Variants in SYT1 observed in about 807,000 individuals in gnomAD.
SYT1 encodes the protein synaptotagmin 1, also known as synaptotagmin-1.
Under a neutral mutation model 44.8 loss-of-function variants are expected in SYT1, and 8 were observed. That is an observed-to-expected ratio of 0.18 (90% confidence interval 0.10 to 0.32). SYT1 has a LOEUF of 0.32. SYT1 is among the 10% of genes least tolerant of loss of function. The pLI, the probability that SYT1 is intolerant of heterozygous loss-of-function variation, is 1.00. For missense variants in SYT1, 286 were observed against 509.3 expected (o/e 0.56, Z 4.22); for synonymous variants, 154 against 188.8 (o/e 0.82, Z 1.51).
intron 3 of SYT1, among the ~76,000 whole-genome samples, chr12:79,179,394 A>ATATAGATATATCTATATC (rs1872292790): frequency 1.6e-4 from 2 of 12,230 alleles, no homozygotes; most frequent in African/African-American, 2.9e-3. Context: ...ATCGATATAG[A>ATATAGATATATCTATATC]TATCCATATA....
chr12:78,963,049 C>T (rs1822908466), intron 1 of SYT1, among the ~76,000 whole-genome samples: 1 of 152,026 alleles, frequency 6.6e-6, no homozygotes, highest in South Asian at 2.1e-4. Flanking sequence ...TAAATTAGAA[C>T]CATGAAGTAT....
At chr12:79,084,783 A>G (rs537244841) in intron 3 of SYT1, among the ~76,000 whole-genome samples, 135 of 152,256 alleles carry the variant, frequency 8.9e-4, no homozygotes, top group African/African-American at 3.2e-3. Context: ...TTATGATTTA[A>G]TTTTTTTGAT....
At chr12:79,127,925 CATAG>C (rs1437990367) in intron 3 of SYT1, among the ~76,000 whole-genome samples, 6 of 151,952 alleles carry the variant, frequency 3.9e-5, no homozygotes, top group African/African-American at 1.2e-4. Flanking sequence ...TAAAAAAGAT[CATAG>C]ATAGATAGAT....
chr12:79,145,821 G>A (rs1457403705), intron 3 of SYT1, among the ~76,000 whole-genome samples: 2 of 151,170 alleles, frequency 1.3e-5, no homozygotes, highest in Non-Finnish European at 3.0e-5. Flanking sequence ...GCAGTGGCGG[G>A]ATCTCGGCTC....
intron 2 of SYT1, among the ~76,000 whole-genome samples, chr12:78,983,477 A>G (rs1869417761): frequency 6.6e-6 from 1 of 152,094 alleles, no homozygotes; most frequent in Non-Finnish European, 1.5e-5. Context: ...ATCATAAACT[A>G]TCTGTCAAGA....
intron 8 of SYT1, among the ~76,000 whole-genome samples, chr12:79,340,535 T>G (rs963404910): frequency 6.6e-6 from 1 of 151,624 alleles, no homozygotes; most frequent in Non-Finnish European, 1.5e-5. Flanking sequence ...CTGAGACTGC[T>G]GAAGTTGCTT....
chr12:78,968,369 A>G (rs533049240), intron 1 of SYT1, among the ~76,000 whole-genome samples: 29 of 151,930 alleles, frequency 1.9e-4, no homozygotes, highest in Non-Finnish European at 3.7e-4. Context: ...AGATTCATAC[A>G]CCCCTCTAGC....
intron 3 of SYT1, among the ~76,000 whole-genome samples, chr12:79,067,592 CT>C (rs1321399911): frequency 1.3e-5 from 2 of 152,040 alleles, no homozygotes; most frequent in African/African-American, 4.8e-5. Context: ...TTTACATTAA[CT>C]TTGAAACAAG....
intron 9 of SYT1, among the ~76,000 whole-genome samples, chr12:79,378,032 G>C (rs1426332734): frequency 1.3e-5 from 2 of 152,178 alleles, no homozygotes; most frequent in Non-Finnish European, 2.9e-5. Context: ...GTGTTAGCTA[G>C]AGTGTGTTTC....
intron 9 of SYT1, among the ~76,000 whole-genome samples, chr12:79,411,632 T>A (rs61927380): frequency 6.6e-6 from 1 of 152,040 alleles, no homozygotes; most frequent in Non-Finnish European, 1.5e-5. Context: ...AACATAAATA[T>A]ATGTGTTTAC....
rs947483950 is a variant in SYT1, at chr12:78,962,600, G to T, written c.-216-15199G>T. Among the ~76,000 whole-genome samples, 6 of 152,002 alleles carry T rather than the reference G, an allele frequency of 3.9e-5. No homozygotes were observed. The South Asian group carries it at 1.2e-3, about 32-fold the overall frequency. The stretch of plus-strand genomic sequence containing the variant: ...CTTGTGTGGTGGGGGAGAGAGAGAG[G>T]TTGGCCTGTGTGTATTCTCATTCGT... On this transcript the variant is annotated intron_variant, in intron 1 of 10. Transcript: ENST00000261205.
intron 3 of SYT1, among the ~76,000 whole-genome samples, chr12:79,085,036 A>T (rs1176382801): frequency 6.6e-6 from 1 of 152,164 alleles, no homozygotes; most frequent in Non-Finnish European, 1.5e-5. Flanking sequence ...AGATAATTTT[A>T]TACAATATTT....
At chr12:79,027,752 A>G (rs977019772) in intron 2 of SYT1, among the ~76,000 whole-genome samples, 2 of 151,604 alleles carry the variant, frequency 1.3e-5, no homozygotes, top group Non-Finnish European at 1.5e-5. Flanking sequence ...ATTTAAAACC[A>G]TAAATAAGAA....
At chr12:78,990,537 T>C (rs1432997973) in intron 2 of SYT1, among the ~76,000 whole-genome samples, 2 of 152,168 alleles carry the variant, frequency 1.3e-5, no homozygotes, top group African/African-American at 2.4e-5. Context: ...TGTTTTTAAG[T>C]ACAAATTCTT....
Position 78,864,853 on chromosome 12 carries a change from A to T in SYT1, c.-473A>T, listed in dbSNP as rs1300232622. On this transcript the variant is annotated 5_prime_UTR_variant, in exon 1 of 11. Transcript: ENST00000261205. ...GGCAACTTGAGGCTGCACCCCGGGCAAGTCCCCAGGGTGGTGCTCAGCCGA... is the reference window on the plus strand; with the variant it reads ...GGCAACTTGAGGCTGCACCCCGGGCTAGTCCCCAGGGTGGTGCTCAGCCGA... The T allele has an allele frequency of 6.4e-6, 1 of 157,474 alleles. No homozygotes were observed. Among genetic ancestry groups the T allele is most frequent in the Non-Finnish European group, 1.4e-5 (1 of 72,536 alleles). The allele number at this position is 157,474 out of a possible 1,614,324, so 9.8% of individuals were successfully genotyped here. A position where few individuals can be genotyped will look rare whatever the true frequency, so the allele number is the denominator to read the frequency against.
chr12:78,896,511 G>A (rs1041377542), intron 1 of SYT1, among the ~76,000 whole-genome samples: 12 of 151,710 alleles, frequency 7.9e-5, no homozygotes, highest in Non-Finnish European at 1.8e-4. Context: ...CCTGAAACAT[G>A]TTTTTAAGGA....
intron 8 of SYT1, among the ~76,000 whole-genome samples, chr12:79,304,140 G>A (rs953632824): frequency 3.3e-5 from 5 of 152,208 alleles, no homozygotes; most frequent in Admixed American, 2.6e-4. Context: ...TCACTGGACT[G>A]AAACTCCATC....
intron 2 of SYT1, among the ~76,000 whole-genome samples, chr12:79,021,725 T>C (rs1424140254): frequency 6.6e-6 from 1 of 151,820 alleles, no homozygotes; most frequent in African/African-American, 2.4e-5. Context: ...ATTGGAAGAA[T>C]AGAAGTTTAG....
At chr12:79,015,004 T>C (rs1387921151) in intron 2 of SYT1, among the ~76,000 whole-genome samples, 2 of 151,062 alleles carry the variant, frequency 1.3e-5, no homozygotes, top group East Asian at 3.9e-4. Flanking sequence ...AGGTGGGAAT[T>C]GAACAATGAG....
Sources: gnomAD v4.1 joint callset for allele counts (sites outside exome capture counted in the v4.1 genomes callset) on GRCh38, gnomAD v4.1.1 for gene constraint, MANE v1.5 for transcripts, NCBI Gene and HGNC (gene_info 2026-07-23, HGNC 2026-07-21) for gene names.